The following PHF20 variants were observed in gnomAD, a reference collection of about 807,000 sequenced individuals.
PHF20 encodes the protein glioma-expressed antigen 2.
In PHF20, 23 loss-of-function variants were observed where a neutral mutation model predicts 113.5. The ratio of observed to expected loss-of-function variants is 0.20; its 90% confidence interval spans 0.15 to 0.29. The LOEUF (loss-of-function observed/expected upper bound fraction) is 0.29. Among genes scored for constraint, PHF20 ranks in the 10% least tolerant of loss-of-function variants. The pLI, the probability that PHF20 is intolerant of heterozygous loss-of-function variation, is 1.00. For synonymous variants in PHF20, 434 were observed against 457.3 expected (o/e 0.95, Z 0.65); for missense variants, 943 against 1,219.6 (o/e 0.77, Z 3.38).
chr20:35,924,591 C>T (rs1042009012), intron 13 of PHF20, among the ~76,000 whole-genome samples: 1 of 151,660 alleles, frequency 6.6e-6, no homozygotes, highest in African/African-American at 2.4e-5. Context: ...TTTTATTTTA[C>T]TTTATTTTAT....
At chr20:35,788,414 T>C (rs1300008856) in intron 1 of PHF20, among the ~76,000 whole-genome samples, 1 of 151,670 alleles carries the variant, frequency 6.6e-6, no homozygotes, top group Non-Finnish European at 1.5e-5. Flanking sequence ...TTATTTTTTG[T>C]AGAGTTGAGA....
At chr20:35,853,680 C>G (rs2042779286) in intron 4 of PHF20, among the ~76,000 whole-genome samples, 1 of 152,070 alleles carries the variant, frequency 6.6e-6, no homozygotes, top group Non-Finnish European at 1.5e-5. Context: ...ATTGCTTGAG[C>G]CCAGGAGTTT....
At chr20:35,878,229 A>G (rs1458991412) in intron 9 of PHF20, among the ~76,000 whole-genome samples, 1 of 152,198 alleles carries the variant, frequency 6.6e-6, no homozygotes, top group African/African-American at 2.4e-5. Context: ...TGAATGCGAC[A>G]TCTGTTCTAG....
At chr20:35,811,234 A>G (rs771583481) in intron 2 of PHF20, among the ~76,000 whole-genome samples, 4 of 151,882 alleles carry the variant, frequency 2.6e-5, no homozygotes, top group Admixed American at 6.6e-5. Flanking sequence ...TTTAGTAGAC[A>G]TGGGGTTTCA....
At chr20:35,779,170 G>T (rs1270210742) in intron 1 of PHF20, among the ~76,000 whole-genome samples, 1 of 151,872 alleles carries the variant, frequency 6.6e-6, no homozygotes, top group Non-Finnish European at 1.5e-5. Context: ...CAAGTAGCTG[G>T]TACTACAGGT....
intron 1 of PHF20, among the ~76,000 whole-genome samples, chr20:35,779,794 T>A (rs1787755731): frequency 6.6e-6 from 1 of 152,178 alleles, no homozygotes; most frequent in African/African-American, 2.4e-5. Context: ...CTGCTGGGAT[T>A]ACAGGCGTGA....
intron 2 of PHF20, among the ~76,000 whole-genome samples, chr20:35,804,888 T>C (rs554058010): frequency 1.3e-5 from 2 of 152,180 alleles, no homozygotes; most frequent in South Asian, 4.2e-4. Flanking sequence ...ATTTTTATTT[T>C]GTTTTTATTA....
rs150119314 is a variant in PHF20, at chr20:35,933,200, C to A, written c.2300+1756C>A. Among the ~76,000 whole-genome samples the A allele has an allele frequency of 8.9e-3, 1,352 of 151,318 alleles. 8 individuals are homozygous for A. The highest frequency in any genetic ancestry group is 0.017 in the Middle Eastern group (5 of 288). On this transcript the variant is annotated intron_variant, in intron 15 of 17. Coordinates refer to ENST00000374012, the MANE Select transcript of PHF20 (RefSeq NM_016436.5). ...AGGTGCGATCATCAAGCACTGCAGC[C>A]TCAAGCTCCTGGGCTCAAGCAACTC...
At chr20:35,835,691 A>G (rs989530367) in intron 2 of PHF20, among the ~76,000 whole-genome samples, 2 of 152,168 alleles carry the variant, frequency 1.3e-5, no homozygotes, top group Non-Finnish European at 2.9e-5. Flanking sequence ...GCACTTTGAG[A>G]AGCTGAGGTG....
At chr20:35,791,187 C>G (rs2041539371) in intron 1 of PHF20, among the ~76,000 whole-genome samples, 1 of 152,048 alleles carries the variant, frequency 6.6e-6, no homozygotes, top group African/African-American at 2.4e-5. Context: ...GTCTTATGAT[C>G]ATACTTACAT....
rs1449040989 is a variant in PHF20, at chr20:35,947,531, G to A, written c.2943G>A (p.Glu981=). The A allele has an allele frequency of 3.1e-6, 5 of 1,613,940 alleles. No homozygotes were observed. The highest frequency in any genetic ancestry group is 1.7e-5 in the Admixed American group (1 of 60,002). Residue 981 remains glutamate (E), a synonymous_variant, in exon 18 of 18, where the codon GAG becomes GAA. Transcript: ENST00000374012. Reference sequence around the variant, plus strand: ...ACACTGGGGAACTGGAGCCCCCTGAGCCGCTGGCCAGGCTTCCGCAGCTCA... The same window carrying A: ...ACACTGGGGAACTGGAGCCCCCTGAACCGCTGGCCAGGCTTCCGCAGCTCA... The part of the protein sequence containing the change: ...LDYTGELEPP[E]PLARLPQLKH...
chr20:35,879,656 C>T (rs2054590538), intron 9 of PHF20, among the ~76,000 whole-genome samples: 2 of 151,304 alleles, frequency 1.3e-5, no homozygotes, highest in Admixed American at 1.3e-4. Context: ...CCTGAATTTA[C>T]ATTCCATGGT....
chr20:35,892,267 G>A (rs571933475), intron 9 of PHF20, among the ~76,000 whole-genome samples: 2 of 142,180 alleles, frequency 1.4e-5, no homozygotes, highest in South Asian at 2.2e-4. Context: ...TAGAGACGGG[G>A]TTTCACCATG....
At position 35,844,249 on chromosome 20, in the gene PHF20, C is replaced by T. The variant is rs532656088; in HGVS notation, c.255+1505C>T. Among the ~76,000 whole-genome samples the T allele has an allele frequency of 2.3e-4, 35 of 151,704 alleles. 1 individual carries two copies. Among genetic ancestry groups the T allele is most frequent in the African/African-American group, 8.0e-4 (33 of 41,352 alleles). The stretch of plus-strand genomic sequence containing the variant: ...TCCTGAGTAGCTGGGACTACAGGTG[C>T]GTGCCACCACACCTGGCTAATTTTT... On this transcript the variant is annotated intron_variant, in intron 3 of 17. Transcript: ENST00000374012.
intron 6 of PHF20, among the ~76,000 whole-genome samples, chr20:35,868,782 A>G (rs6060648): frequency 0.18 from 26,852 of 152,064 alleles, 2,597 homozygotes; most frequent in South Asian, 0.36. Context: ...TTTTTTTAGG[A>G]TTTTGTTTAA....
chr20:35,805,405 T>C (rs886240668), intron 2 of PHF20, among the ~76,000 whole-genome samples: 2 of 144,854 alleles, frequency 1.4e-5, no homozygotes, highest in Admixed American at 1.4e-4. Flanking sequence ...TATTTTGAGA[T>C]GGAGTCTTGC....
intron 1 of PHF20, among the ~76,000 whole-genome samples, chr20:35,797,478 C>T (rs573625055): frequency 1.4e-5 from 2 of 146,918 alleles, no homozygotes; most frequent in South Asian, 4.4e-4. Context: ...CGTGCCACTG[C>T]ACTCCAGTCT....
intron 1 of PHF20, among the ~76,000 whole-genome samples, chr20:35,790,687 C>T (rs896514304): frequency 4.6e-5 from 7 of 152,046 alleles, no homozygotes; most frequent in Non-Finnish European, 8.8e-5. Context: ...GGCTCATAAC[C>T]GCTGTGTCCC....
chr20:35,792,938 A>G (rs1404548639), intron 1 of PHF20, among the ~76,000 whole-genome samples: 1 of 152,104 alleles, frequency 6.6e-6, no homozygotes, highest in African/African-American at 2.4e-5. Flanking sequence ...TCAGCCAACA[A>G]TGCCTGGAGC....
Sources: allele counts gnomAD v4.1 joint callset (sites outside exome capture counted in the v4.1 genomes callset), GRCh38; gene constraint gnomAD v4.1.1; transcripts MANE v1.5; gene names NCBI Gene and HGNC (gene_info 2026-07-23, HGNC 2026-07-21).